Variants in DDX43 observed in about 807,000 individuals in gnomAD.
DDX43 encodes the protein DEAD-box helicase 43.
Under a neutral mutation model 84.9 loss-of-function variants are expected in DDX43, and 50 were observed. The observed-to-expected ratio is 0.59, with a 90% CI of 0.47 to 0.75. The LOEUF is 0.75. Ranked by LOEUF, DDX43 falls within the 30% of genes least tolerant of loss-of-function variation. The pLI is 0.00. For synonymous variants in DDX43, 291 were observed against 266.3 expected (o/e 1.09, Z -0.90); for missense variants, 689 against 798.6 (o/e 0.86, Z 1.65).
chr6:73,398,818 C>T (rs549542744), intron 2 of DDX43, among the ~76,000 whole-genome samples: 6 of 152,284 alleles, frequency 3.9e-5, no homozygotes, highest in South Asian at 2.1e-4. Flanking sequence ...TCTCATTCAC[C>T]GCTAGGTCTT....
intron 1 of DDX43, among the ~76,000 whole-genome samples, chr6:73,395,498 C>G (rs1184802817): frequency 6.6e-6 from 1 of 151,776 alleles, no homozygotes; most frequent in Non-Finnish European, 1.5e-5. Context: ...CCTGTAATCC[C>G]AGATACTCCG....
chr6:73,409,317 G>A lies in DDX43; in HGVS notation c.1249G>A (p.Val417Met), dbSNP rs1202927539. Residue 417 changes from valine (V) to methionine (M), a missense_variant, in exon 10 of 17, where the codon GTG becomes ATG. Physicochemically the swap from Val to Met is conservative, Grantham distance 21. Coordinates refer to ENST00000370336, the MANE Select transcript of DDX43 (RefSeq NM_018665.3). The part of the protein sequence containing the change: ...EPQIMKILLD[V>M]RPDRQTVMTS... ...CCAGATAATGAAGATTTTGTTAGAT[G>A]TGCGCCCAGATAGGCAGACAGTTAT... The A allele has an allele frequency of 1.2e-6, 2 of 1,613,958 alleles. No homozygotes were observed. Among genetic ancestry groups the A allele is most frequent in the Non-Finnish European group, 8.5e-7 (1 of 1,179,990 alleles).
intron 10 of DDX43, among the ~76,000 whole-genome samples, chr6:73,411,296 A>G (rs1206400084): frequency 1.3e-5 from 2 of 151,044 alleles, no homozygotes; most frequent in African/African-American, 2.4e-5. Context: ...AATTAACCTA[A>G]TAGTAATCCC....
Position 73,414,049 on chromosome 6 carries a change from C to G in DDX43, c.1576C>G (p.Arg526Gly). Residue 526 changes from arginine (R) to glycine (G), a missense_variant, in exon 13 of 17, where the codon CGG becomes GGG. Physicochemically the swap from Arg to Gly is moderately radical, Grantham distance 125. This residue lies in a region of DDX43 where 552 missense variants were observed against 692.7 expected (regional missense o/e 0.80). Coordinates refer to ENST00000370336, the MANE Select transcript of DDX43 (RefSeq NM_018665.3). ...SLHGDREQRDREKALENFKTG... is the reference protein window; with the variant it reads ...SLHGDREQRDGEKALENFKTG... ...GCATGGAGATAGAGAACAGAGAGAT[C>G]GGGAGAAAGCATTAGAGAACTTTAA... 6.2e-7 allele frequency: 1 copy of G among 1,606,706 alleles called. No homozygotes were observed. Among genetic ancestry groups the G allele is most frequent in the African/African-American group, 1.3e-5 (1 of 74,856 alleles).
At chr6:73,412,623 G>T (rs1769808816) in intron 11 of DDX43, among the ~76,000 whole-genome samples, 1 of 128,286 alleles carries the variant, frequency 7.8e-6, no homozygotes. Context: ...CTGGGTTCAA[G>T]TGATATATAT....
chr6:73,413,516 T>C, intron 11 of DDX43, 142 bp from the exon 12 acceptor site: 1 of 727,572 alleles, frequency 1.4e-6, no homozygotes, highest in South Asian at 2.7e-5. Context: ...AACAGGTAAT[T>C]TTTTTAGGAC....
Position 73,414,078 on chromosome 6 carries a change from A to T in DDX43, c.1605A>T (p.Thr535=), listed in dbSNP as rs756858426. 3.9e-6 allele frequency: 6 copies of T among 1,556,672 alleles called. No homozygotes were observed. The highest frequency in any genetic ancestry group is 5.3e-6 in the Non-Finnish European group (6 of 1,128,058). ...AGAAAGCATTAGAGAACTTTAAAAC[A>T]GGTATGTTTATGTAATTAGTATTTC... The part of the protein sequence containing the change: ...DREKALENFK[T]GKVRILIATD... The change falls in exon 13 of 17, where the codon ACA becomes ACT. Residue 535 remains threonine, a splice_region_variant and synonymous_variant. Transcript: ENST00000370336.
chr6:73,405,938 C>A, intron 6 of DDX43, 103 bp downstream of exon 6: 1 of 1,053,554 alleles, frequency 9.5e-7, no homozygotes, highest in Non-Finnish European at 1.3e-6. Context: ...TAGCATTCCA[C>A]CAGCACCTTC....
chr6:73,413,567 A>G (rs929276072), intron 11 of DDX43, 91 bp from the exon 12 acceptor site: 5 of 1,283,046 alleles, frequency 3.9e-6, no homozygotes, highest in Middle Eastern at 1.9e-4. Flanking sequence ...AACATTAACC[A>G]ATGAGAGAGA....
chr6:73,405,555 C>T (rs1769660289), intron 5 of DDX43, 124 bp from the exon 6 acceptor site: 1 of 877,998 alleles, frequency 1.1e-6, no homozygotes, highest in Non-Finnish European at 1.7e-6. Flanking sequence ...ATTATAACTT[C>T]CCTGACAGTC....
At chr6:73,403,834 TTA>T (rs900126517) in intron 4 of DDX43, among the ~76,000 whole-genome samples, 4 of 151,432 alleles carry the variant, frequency 2.6e-5, no homozygotes, top group African/African-American at 9.7e-5. Context: ...TTTTTTTTTT[TTA>T]AATGGAGTTT....
At chr6:73,399,750 T>C (rs985063137) in intron 2 of DDX43, among the ~76,000 whole-genome samples, 1 of 152,188 alleles carries the variant, frequency 6.6e-6, no homozygotes, top group Non-Finnish European at 1.5e-5. Context: ...CCTGACAGTA[T>C]ACATGAGTTA....
intron 2 of DDX43, among the ~76,000 whole-genome samples, chr6:73,399,269 A>G (rs115388884): frequency 0.011 from 1,630 of 152,198 alleles, 33 homozygotes; most frequent in African/African-American, 0.038. Context: ...TTAAAACACA[A>G]ATTATTTGTG....
rs4708053 is a variant in DDX43 at position 73,409,361 on chromosome 6, T to C, written c.1280+13T>C. On this transcript the variant is annotated intron_variant, in intron 10 of 16. Coordinates refer to ENST00000370336, the MANE Select transcript of DDX43 (RefSeq NM_018665.3). ...CAGTTATGACCAGGTACGTATATGC[T>C]TAATTACTGTGTGCAGAATAGAAAT... 0.99 allele frequency: 1,563,907 copies of C among 1,581,272 alleles called. 774,800 individuals carry two copies. Among genetic ancestry groups the C allele is most frequent in the East Asian group, 1 (44,695 of 44,696 alleles).
intron 11 of DDX43, among the ~76,000 whole-genome samples, chr6:73,412,967 G>A (rs183200354): frequency 1.7e-4 from 26 of 152,244 alleles, no homozygotes; most frequent in African/African-American, 6.3e-4. Context: ...GACCTCAGGC[G>A]ATCTGCCCCC....
At chr6:73,399,055 C>T (rs1022372021) in intron 2 of DDX43, among the ~76,000 whole-genome samples, 2 of 152,162 alleles carry the variant, frequency 1.3e-5, no homozygotes, top group Admixed American at 6.5e-5. Context: ...AAGAGATTCT[C>T]CTGCCTCAGC....
chr6:73,412,620 C>T (rs1408841583), intron 11 of DDX43, among the ~76,000 whole-genome samples: 2 of 110,634 alleles, frequency 1.8e-5, no homozygotes, highest in Non-Finnish European at 4.0e-5. Flanking sequence ...CTCCTGGGTT[C>T]AAGTGATATA....
chr6:73,414,765 C>T, intron 14 of DDX43, 79 bp downstream of exon 14: 1 of 1,316,108 alleles, frequency 7.6e-7, no homozygotes, highest in Admixed American at 2.4e-5. Flanking sequence ...GCCCAGAAAA[C>T]CATTTTATTC....
intron 10 of DDX43, among the ~76,000 whole-genome samples, chr6:73,410,323 T>C (rs1769759695): frequency 6.6e-6 from 1 of 152,024 alleles, no homozygotes; most frequent in Admixed American, 6.6e-5. Context: ...CACGTCACCA[T>C]GCCCAGCTAA....
Sources: gnomAD v4.1 joint callset for allele counts (sites outside exome capture counted in the v4.1 genomes callset) on GRCh38, gnomAD v4.1.1 for gene constraint, gnomAD v4.1.1 regional missense constraint, MANE v1.5 for transcripts, NCBI Gene and HGNC (gene_info 2026-07-23, HGNC 2026-07-21) for gene names.